Variants in TDRD12 observed in about 807,000 individuals in gnomAD.
TDRD12 encodes the protein tudor domain containing 12, also known as putative ATP-dependent RNA helicase TDRD12.
Under a neutral mutation model 133.5 loss-of-function variants are expected in TDRD12, and 158 were observed. That is an observed-to-expected ratio of 1.18 (90% confidence interval 1.04 to 1.35). TDRD12 has a LOEUF of 1.35. Ranked by LOEUF, TDRD12 falls within the 40% of genes most tolerant of loss-of-function variation. The pLI, the probability that TDRD12 is intolerant of heterozygous loss-of-function variation, is 0.00. For missense variants in TDRD12, 1,443 were observed against 1,321.3 expected (o/e 1.09, Z -1.43); for synonymous variants, 460 against 477.9 (o/e 0.96, Z 0.49).
intron 8 of TDRD12, among the ~76,000 whole-genome samples, chr19:32,770,340 T>C (rs1485634931): frequency 1.3e-5 from 2 of 152,138 alleles, no homozygotes. Flanking sequence ...GTAATTTTCC[T>C]TTCTATTTTC....
At chr19:32,745,287 C>T (rs78205859) in intron 4 of TDRD12, among the ~76,000 whole-genome samples, 4,473 of 152,314 alleles carry the variant, frequency 0.029, 181 homozygotes, top group East Asian at 0.22. Context: ...TGTGGGCTTC[C>T]GGGCCCTTCC....
At chr19:32,826,458 G>C (rs1203538295) in exon 9 of TDRD12, 1 of 1,247,982 alleles carries the variant, frequency 8.0e-7, no homozygotes. Flanking sequence ...TTGGGTGGGA[G>C]ACAAATTTTA....
intron 27 of TDRD12, among the ~76,000 whole-genome samples, chr19:32,819,704 C>T (rs1010908124): frequency 6.6e-6 from 1 of 152,152 alleles, no homozygotes; most frequent in Non-Finnish European, 1.5e-5. Flanking sequence ...TCAGACAGCT[C>T]CTGGAGAACA....
At chr19:32,821,215 T>A in exon 28 of TDRD12, 1 of 1,191,162 alleles carries the variant, frequency 8.4e-7, no homozygotes, top group Non-Finnish European at 1.2e-6. Context: ...TTAGACTTTC[T>A]ACTTTGAGAT....
At chr19:32,811,375 C>T in exon 24 of TDRD12, 2 of 1,536,124 alleles carry the variant, frequency 1.3e-6, no homozygotes, top group Non-Finnish European at 1.7e-6. Context: ...AGTTTATTGT[C>T]TGTAGGGTGA....
chr19:32,724,558 T>C (rs898855515), intron 1 of TDRD12, among the ~76,000 whole-genome samples: 4 of 152,212 alleles, frequency 2.6e-5, no homozygotes, highest in African/African-American at 9.6e-5. Context: ...ATTATCTTGT[T>C]ACTTTTTATG....
chr19:32,821,393 T>C (rs1202014537), downstream of TDRD12: 97 of 413,740 alleles, frequency 2.3e-4, 1 homozygote, highest in South Asian at 2.3e-3. Flanking sequence ...TGTGTGTGTG[T>C]GTGTGTGTGT....
At chr19:32,803,997 C>G (rs1250975540) in intron 21 of TDRD12, among the ~76,000 whole-genome samples, 1 of 151,978 alleles carries the variant, frequency 6.6e-6, no homozygotes, top group Middle Eastern at 3.2e-3. Flanking sequence ...CTGAGAATGT[C>G]TCCTCCAAGC....
At chr19:32,749,843 C>G in exon 6 of TDRD12, 1 of 1,546,858 alleles carries the variant, frequency 6.5e-7, no homozygotes, top group Non-Finnish European at 8.7e-7. Context: ...TGAGGTTTAC[C>G]TTTATGTAAC....
At chr19:32,809,847 A>T (rs1363193499) in intron 22 of TDRD12, among the ~76,000 whole-genome samples, 1 of 152,276 alleles carries the variant, frequency 6.6e-6, no homozygotes, top group Admixed American at 6.5e-5. Flanking sequence ...ATGAAGTTTT[A>T]AAATAATGAA....
chr19:32,773,885 GA>G (rs1970506726), intron 10 of TDRD12, among the ~76,000 whole-genome samples: 1 of 152,326 alleles, frequency 6.6e-6, no homozygotes, highest in East Asian at 1.9e-4. Context: ...AAAGTTGACT[GA>G]AAACTGGTAG....
intron 4 of TDRD12, among the ~76,000 whole-genome samples, chr19:32,743,196 C>T (rs547588362): frequency 6.6e-6 from 1 of 152,368 alleles, no homozygotes; most frequent in African/African-American, 2.4e-5. Flanking sequence ...TGTACACGCG[C>T]ACGCGCGCAC....
intron 22 of TDRD12, among the ~76,000 whole-genome samples, chr19:32,809,586 T>G (rs541636569): frequency 2.0e-5 from 3 of 152,284 alleles, no homozygotes; most frequent in East Asian, 1.9e-4. Flanking sequence ...CTGCCTACTC[T>G]AACCTGTGAA....
rs1555772018 is a variant in TDRD12 at position 32,781,512 on chromosome 19, A to ATGG, written c.1121+4283_1121+4284insTGG. The stretch of plus-strand genomic sequence containing the variant: ...AGCATCCTTTAGTAGCTTTCTAGGA[A>ATGG]GGGAGACACAAAACATAAATTTTTT... On this transcript the variant is annotated intron_variant, in intron 11 of 27. Coordinates refer to ENST00000444215, the Ensembl canonical transcript of TDRD12. 2.6e-5 allele frequency among the ~76,000 whole-genome samples: 4 copies of ATGG among 152,138 alleles called. No homozygotes were observed. The East Asian group carries it at 7.7e-4, about 29-fold the overall frequency.
chr19:32,826,644 C>G (rs1438781588), intron 9 of TDRD12, 39 bp from the exon 32 acceptor site: 1 of 1,232,568 alleles, frequency 8.1e-7, no homozygotes, highest in Non-Finnish European at 1.0e-6. Context: ...CTGCGTGTGT[C>G]ATATTCACGC....
chr19:32,793,053 G>A (rs1031885366), intron 13 of TDRD12, among the ~76,000 whole-genome samples: 10 of 152,256 alleles, frequency 6.6e-5, no homozygotes, highest in East Asian at 5.8e-4. Flanking sequence ...GGGTGTGGTG[G>A]CATGTGCCTA....
chr19:32,805,289 A>AG (rs1971515037), intron 21 of TDRD12, among the ~76,000 whole-genome samples: 1 of 150,058 alleles, frequency 6.7e-6, no homozygotes, highest in African/African-American at 2.5e-5. Context: ...AGCCTTGGGT[A>AG]GGGGGATCGC....
At chr19:32,763,494 A>G (rs758732363) in intron 8 of TDRD12, among the ~76,000 whole-genome samples, 1 of 152,094 alleles carries the variant, frequency 6.6e-6, no homozygotes. Context: ...CCCTTCCTCT[A>G]GGTTAGATAG....
rs2145740811 is a variant in TDRD12, at chr19:32,815,343, A to C, written c.3142-105A>C. On this transcript the variant is annotated intron_variant, in intron 25 of 27. Coordinates refer to ENST00000444215, the Ensembl canonical transcript of TDRD12. ...TTGTGGCAAGCGCCGAAGTGCAGCC[A>C]ACGTGGCAGGCTGAATGAACCAGAG... 5 of 956,490 alleles carry C rather than the reference A, an allele frequency of 5.2e-6. No homozygotes were observed. The South Asian group carries it at 8.6e-5, about 17-fold the overall frequency. 59.3% of individuals were successfully genotyped at this position (956,490 alleles called of 1,614,324 possible).
Sources: gnomAD v4.1 joint callset for allele counts (sites outside exome capture counted in the v4.1 genomes callset) on GRCh38, gnomAD v4.1.1 for gene constraint, MANE v1.5 for transcripts, NCBI Gene and HGNC (gene_info 2026-07-23, HGNC 2026-07-21) for gene names.